Variants in LHCGR observed in about 807,000 individuals in gnomAD.
LHCGR encodes the protein luteinizing hormone/choriogonadotropin receptor, also known as lutropin-choriogonadotropic hormone receptor.
In LHCGR, 55 loss-of-function variants were observed where a neutral mutation model predicts 60.7. That is an observed-to-expected ratio of 0.91 (90% CI 0.73 to 1.13). The LOEUF is 1.13. Among genes scored for constraint, LHCGR ranks in the 50% most tolerant of loss-of-function variants. The probability of loss-of-function intolerance (pLI) is 0.00; values close to 1 mark genes in which losing one functional copy is unlikely to be tolerated. For missense variants in LHCGR, 862 were observed against 836.0 expected, an observed-to-expected ratio of 1.03 and a Z score of -0.38; for synonymous variants, 337 against 316.5, an observed-to-expected ratio of 1.06 and a Z score of -0.69.
chr2:48,698,766 T>G lies in LHCGR; in HGVS notation c.715A>C (p.Ser239Arg). The G allele has an allele frequency of 6.2e-7, 1 of 1,614,094 alleles. No homozygotes were observed. Among genetic ancestry groups the G allele is most frequent in the Non-Finnish European group, 8.5e-7 (1 of 1,179,928 alleles). ...ISSTKLQALP[S>R]YGLESIQRLI... is the part of the protein sequence containing the mutation. ...CTCTGAATGGACTCTAGGCCATAGC[T>G]CGGCAGGGCCTGCAATTTGGTGGAA... The change falls in exon 9 of 11, where the codon AGC (serine) becomes CGC (arginine). Residue 239 changes from serine (S) to arginine (R), a missense_variant. Physicochemically the swap from Ser to Arg is moderately radical, Grantham distance 110. Transcript: ENST00000294954.
intron 3 of LHCGR, among the ~76,000 whole-genome samples, chr2:48,726,139 A>C (rs576807881): frequency 3.9e-5 from 6 of 152,220 alleles, no homozygotes; most frequent in Non-Finnish European, 8.8e-5. Context: ...GAGATGAGCA[A>C]ATTACCTACT....
chr2:48,716,249 A>G (rs919357566), intron 6 of LHCGR, among the ~76,000 whole-genome samples: 1 of 152,020 alleles, frequency 6.6e-6, no homozygotes, highest in African/African-American at 2.4e-5. Context: ...ACATCACACC[A>G]CAGGCCTTTC....
At chr2:48,693,952 T>C (rs1234108555) in intron 10 of LHCGR, among the ~76,000 whole-genome samples, 1 of 152,344 alleles carries the variant, frequency 6.6e-6, no homozygotes, top group African/African-American at 2.4e-5. Context: ...TCAACATACC[T>C]GCAAAATTTT....
At chr2:48,735,434 G>T (rs1336097095) in intron 1 of LHCGR, among the ~76,000 whole-genome samples, 1 of 152,174 alleles carries the variant, frequency 6.6e-6, no homozygotes, top group African/African-American at 2.4e-5. Context: ...TAGCTTGCTT[G>T]GTCTCCCCAG....
At chr2:48,723,327 T>C in intron 6 of LHCGR, 129 bp downstream of exon 6, 1 of 747,246 alleles carries the variant, frequency 1.3e-6, no homozygotes, top group Non-Finnish European at 2.4e-6. Context: ...ACCCTTAGCA[T>C]TTTAGGTTAA....
At chr2:48,707,013 C>T (rs1667716911) in intron 8 of LHCGR, among the ~76,000 whole-genome samples, 2 of 152,168 alleles carry the variant, frequency 1.3e-5, no homozygotes, top group South Asian at 4.1e-4. Flanking sequence ...TCTGGTTTCT[C>T]CCCATCTTTG....
At chr2:48,745,373 G>A (rs1397103232) in intron 1 of LHCGR, among the ~76,000 whole-genome samples, 2 of 152,106 alleles carry the variant, frequency 1.3e-5, no homozygotes, top group African/African-American at 4.8e-5. Context: ...TATAAATCAT[G>A]CCGCTATAAA....
intron 1 of LHCGR, among the ~76,000 whole-genome samples, chr2:48,734,512 G>C (rs1285773320): frequency 1.3e-5 from 2 of 152,002 alleles, no homozygotes; most frequent in African/African-American, 4.8e-5. Flanking sequence ...AAATAAAAAA[G>C]GTTTATTTTG....
Position 48,688,563 on chromosome 2 carries a change from G to C in LHCGR, c.1234C>G (p.Leu412Val), listed in dbSNP as rs374177024. 2 of 1,614,096 alleles carry C rather than the reference G, an allele frequency of 1.2e-6. No individual in the cohort carries two copies. The highest frequency in any genetic ancestry group is 2.7e-5 in the African/African-American group (2 of 74,930). ...SFADFCMGLY[L>V]LLIASVDSQT... ...GAATCAACTGAGGCTATGAGCAGCA[G>C]ATAGAGCCCCATGCAAAAGTCTGCA... Residue 412 changes from leucine (L) to valine (V), a missense_variant, in exon 11 of 11, where the codon CTG becomes GTG. By Grantham distance (32) the Leu-to-Val change is conservative. Coordinates refer to ENST00000294954, the MANE Select transcript of LHCGR (RefSeq NM_000233.4). This position sits in a 1 kb window ranked among gnomAD's most constrained non-coding sequence, Gnocchi z 5.2.
At chr2:48,693,266 G>A (rs942451257) in intron 10 of LHCGR, among the ~76,000 whole-genome samples, 1 of 152,182 alleles carries the variant, frequency 6.6e-6, no homozygotes, top group Non-Finnish European at 1.5e-5. Flanking sequence ...TTGTCGCATT[G>A]CTTAGCAACT....
chr2:48,687,406 A>G lies in LHCGR; in HGVS notation c.*291T>C, dbSNP rs1572799835. On this transcript the variant is annotated 3_prime_UTR_variant, in exon 11 of 11. Transcript: ENST00000294954. ...AAATGAAAAAAAAGATATGCAAAATACCTCCTCAGTTTTTTAAAAGATTCA... is the reference window on the plus strand; with the variant it reads ...AAATGAAAAAAAAGATATGCAAAATGCCTCCTCAGTTTTTTAAAAGATTCA... 1 of 347,612 alleles carries G rather than the reference A, an allele frequency of 2.9e-6. No homozygotes were observed. The highest frequency in any genetic ancestry group is 5.2e-6 in the Non-Finnish European group (1 of 190,770). 21.5% of individuals were successfully genotyped at this position (347,612 alleles called of 1,614,324 possible).
At position 48,688,707 on chromosome 2, in the gene LHCGR, C is replaced by T. The variant is rs750291670; in HGVS notation, c.1090G>A (p.Val364Ile). The T allele has an allele frequency of 6.2e-7, 1 of 1,614,090 alleles. No homozygotes were observed. Among genetic ancestry groups the T allele is most frequent in the Non-Finnish European group, 8.5e-7 (1 of 1,179,990 alleles). ...EDIMGYDFLR[V>I]LIWLINILAI... is the part of the protein sequence containing the mutation. ...AGAATATTAATCAGCCAAATCAGGACCCTAAGGAAGTCATAGCCCATAATA... is the reference window on the plus strand; with the variant it reads ...AGAATATTAATCAGCCAAATCAGGATCCTAAGGAAGTCATAGCCCATAATA... Residue 364 changes from valine to isoleucine, a missense_variant, in exon 11 of 11, where the codon GTC becomes ATC. By Grantham distance (29) the Val-to-Ile change is conservative (BLOSUM62 3). Coordinates refer to ENST00000294954, the MANE Select transcript of LHCGR (RefSeq NM_000233.4). The surrounding 1 kb of genome is among the most constrained non-coding windows in gnomAD (Gnocchi z 5.2).
chr2:48,746,297 T>C (rs1669703019), intron 1 of LHCGR, among the ~76,000 whole-genome samples: 1 of 152,202 alleles, frequency 6.6e-6, no homozygotes, highest in Non-Finnish European at 1.5e-5. Context: ...CTATGGCTTA[T>C]TCCTAAATCT....
At chr2:48,753,481 G>C (rs533572872) in intron 1 of LHCGR, among the ~76,000 whole-genome samples, 17 of 152,262 alleles carry the variant, frequency 1.1e-4, no homozygotes, top group African/African-American at 3.8e-4. Flanking sequence ...GGCTAAGGAG[G>C]CTAAATGACT....
At position 48,729,141 on chromosome 2, in the gene LHCGR, G is replaced by T; in HGVS notation, c.308+12C>A. On this transcript the variant is annotated intron_variant, in intron 3 of 10. Transcript: ENST00000294954. ...GTGTACAGCAGTAAACTGTCTGTTA[G>T]CTGATGCTTACATTTCAGACAAATT... 1 of 1,595,368 alleles carries T rather than the reference G, an allele frequency of 6.3e-7. No homozygotes were observed. Among genetic ancestry groups the T allele is most frequent in the East Asian group, 2.2e-5 (1 of 44,826 alleles).
intron 7 of LHCGR, among the ~76,000 whole-genome samples, chr2:48,709,747 C>T (rs1667885602): frequency 6.6e-6 from 1 of 152,196 alleles, no homozygotes; most frequent in African/African-American, 2.4e-5. Context: ...AGCTCAAAGT[C>T]ATTCAGGCTA....
chr2:48,726,201 C>T (rs1412212893), intron 3 of LHCGR, among the ~76,000 whole-genome samples: 1 of 152,114 alleles, frequency 6.6e-6, no homozygotes, highest in Non-Finnish European at 1.5e-5. Context: ...ATCACATGAG[C>T]AGTTATACCG....
chr2:48,698,053 A>G (rs1667211639), intron 9 of LHCGR, among the ~76,000 whole-genome samples: 1 of 152,194 alleles, frequency 6.6e-6, no homozygotes, highest in African/African-American at 2.4e-5. Flanking sequence ...GACTGAACGG[A>G]ATCAGATACC....
intron 2 of LHCGR, 147 bp from the exon 3 acceptor site, chr2:48,729,374 A>G (rs1668886365): frequency 4.3e-6 from 3 of 700,422 alleles, no homozygotes; most frequent in Non-Finnish European, 5.1e-6. Flanking sequence ...TTGTCCCCAA[A>G]TCATACAGTG....
Sources: allele counts gnomAD v4.1 joint callset (sites outside exome capture counted in the v4.1 genomes callset), GRCh38; gene constraint gnomAD v4.1.1; non-coding constraint Gnocchi (gnomAD v3.1); transcripts MANE v1.5; gene names NCBI Gene and HGNC (gene_info 2026-07-23, HGNC 2026-07-21).